VRTN: variants seen among roughly 807,000 people sequenced by gnomAD.
VRTN encodes the protein vertnin.
Under a neutral mutation model 18.2 loss-of-function variants are expected in VRTN, and 5 were observed. The observed-to-expected ratio is 0.27, with a 90% confidence interval of 0.14 to 0.58. VRTN has a LOEUF of 0.58. VRTN is among the 20% of genes least tolerant of loss of function. The pLI is 0.91. For synonymous variants in VRTN, 381 were observed against 393.7 expected (o/e 0.97, Z 0.38); for missense variants, 741 against 939.4 (o/e 0.79, Z 2.76).
chr14:74,357,558 C>A lies in VRTN; in HGVS notation c.775C>A (p.Pro259Thr). 6.2e-7 allele frequency: 1 copy of A among 1,613,888 alleles called. No homozygotes were observed. The highest frequency in any genetic ancestry group is 8.5e-7 in the Non-Finnish European group (1 of 1,180,014). The change falls in exon 2 of 2, where the codon CCA (proline) becomes ACA (threonine). Residue 259 changes from proline to threonine, a missense_variant. Physicochemically the swap from Pro to Thr is conservative, Grantham distance 38. Coordinates refer to ENST00000256362, the MANE Select transcript of VRTN (RefSeq NM_018228.3). The surrounding 1 kb of genome is among the most constrained non-coding windows in gnomAD (Gnocchi z 7.8). ...EGAPGVAPAL[P>T]ALAPLSSPAK... ...TGCCCCTGGCGTGGCCCCAGCTCTTCCAGCCCTGGCCCCACTCTCATCGCC... is the reference window on the plus strand; with the variant it reads ...TGCCCCTGGCGTGGCCCCAGCTCTTACAGCCCTGGCCCCACTCTCATCGCC...
intron 1 of VRTN, among the ~76,000 whole-genome samples, chr14:74,325,117 G>A (rs889903939): frequency 6.6e-6 from 1 of 152,028 alleles, no homozygotes; most frequent in African/African-American, 2.4e-5. Flanking sequence ...CGCATCTTGG[G>A]AACAATGGAG....
intron 1 of VRTN, among the ~76,000 whole-genome samples, chr14:74,304,046 T>G (rs948626695): frequency 1.2e-4 from 18 of 151,794 alleles, no homozygotes; most frequent in Non-Finnish European, 2.4e-4. Flanking sequence ...AGACAGGGTT[T>G]CTCCATATTG....
chr14:74,345,723 A>T (rs1426101900), upstream of VRTN, among the ~76,000 whole-genome samples: 1 of 150,840 alleles, frequency 6.6e-6, no homozygotes, highest in East Asian at 2.0e-4. Flanking sequence ...CAGGAGTTCG[A>T]GACCACCCCG....
intron 2 of VRTN, among the ~76,000 whole-genome samples, chr14:74,343,445 GT>G (rs954723817): frequency 2.6e-5 from 4 of 152,170 alleles, no homozygotes; most frequent in Non-Finnish European, 5.9e-5. Flanking sequence ...TAACTTCTAA[GT>G]GGGGAAATTT....
chr14:74,311,501 A>G (rs578204313), intron 1 of VRTN, among the ~76,000 whole-genome samples: 213 of 151,460 alleles, frequency 1.4e-3, no homozygotes, highest in Admixed American at 4.1e-3. Context: ...GCTCACTGCA[A>G]CCTCTGCCTC....
chr14:74,309,557 C>G (rs2085375048), intron 1 of VRTN, among the ~76,000 whole-genome samples: 1 of 152,142 alleles, frequency 6.6e-6, no homozygotes, highest in Non-Finnish European at 1.5e-5. Context: ...AAAAAACACA[C>G]AGTGAGGCTA....
intron 1 of VRTN, among the ~76,000 whole-genome samples, chr14:74,309,266 C>T (rs1003928309): frequency 6.6e-6 from 1 of 152,126 alleles, no homozygotes; most frequent in Non-Finnish European, 1.5e-5. Flanking sequence ...TCTCTCGCTC[C>T]ACCCCAAGAG....
intron 1 of VRTN, among the ~76,000 whole-genome samples, chr14:74,335,289 G>T (rs1029523575): frequency 6.6e-6 from 1 of 152,064 alleles, no homozygotes; most frequent in African/African-American, 2.4e-5. Context: ...ACCATAACTG[G>T]ATAATAGAAT....
chr14:74,347,047 T>TA (rs1320547944), upstream of VRTN, among the ~76,000 whole-genome samples: 2 of 152,218 alleles, frequency 1.3e-5, no homozygotes, highest in African/African-American at 4.8e-5. Flanking sequence ...ATATTTATAT[T>TA]AAGAATTTAA....
At chr14:74,325,301 G>A (rs749270441) in intron 1 of VRTN, among the ~76,000 whole-genome samples, 19 of 152,080 alleles carry the variant, frequency 1.2e-4, no homozygotes, top group Non-Finnish European at 2.2e-4. Flanking sequence ...GAAGGAAAAA[G>A]AGACTTTGTA....
At chr14:74,315,681 A>G (rs2085415554) in intron 1 of VRTN, among the ~76,000 whole-genome samples, 1 of 152,228 alleles carries the variant, frequency 6.6e-6, no homozygotes, top group African/African-American at 2.4e-5. Flanking sequence ...AATATTAAAT[A>G]TAAATCAGAT....
rs560627997 is a variant in VRTN at position 74,351,666 on chromosome 14, G to T, written c.-2+3014G>T. Among the ~76,000 whole-genome samples, 149 of 151,286 alleles carry T rather than the reference G, an allele frequency of 9.8e-4. 1 individual carries two copies. Among genetic ancestry groups the T allele is most frequent in the Non-Finnish European group, 1.9e-3 (131 of 67,842 alleles). ...AGGCTAATTTTTTTTTTTCCGTAGA[G>T]ATGGGGTTATGTTATGTTGTCCAGG... On this transcript the variant is annotated intron_variant, in intron 1 of 1. Transcript: ENST00000256362.
chr14:74,315,445 TC>T (rs1384740674), intron 1 of VRTN, among the ~76,000 whole-genome samples: 1 of 152,206 alleles, frequency 6.6e-6, no homozygotes, highest in East Asian at 1.9e-4. Context: ...ATGCCTATAA[TC>T]CCAGTGCTTT....
intron 1 of VRTN, among the ~76,000 whole-genome samples, chr14:74,311,138 A>G (rs117103314): frequency 0.021 from 3,174 of 152,338 alleles, 59 homozygotes; most frequent in Non-Finnish European, 0.032. Context: ...TAAACATTGA[A>G]CAATGTCCAT....
chr14:74,350,711 C>T (rs78354895), intron 1 of VRTN, among the ~76,000 whole-genome samples: 2,324 of 152,216 alleles, frequency 0.015, 60 homozygotes, highest in African/African-American at 0.052. Context: ...AATGTAAACC[C>T]GGAACCTCCA....
At chr14:74,352,234 C>G (rs1403928013) in intron 1 of VRTN, among the ~76,000 whole-genome samples, 1 of 150,316 alleles carries the variant, frequency 6.7e-6, no homozygotes, top group Non-Finnish European at 1.5e-5. Context: ...GGCTGGAGTG[C>G]GGTGGGCGAT....
chr14:74,354,411 C>CTT (rs61287508), intron 1 of VRTN, among the ~76,000 whole-genome samples: 39 of 143,772 alleles, frequency 2.7e-4, no homozygotes, highest in African/African-American at 9.3e-4. Flanking sequence ...ATCCATGGGT[C>CTT]TTTTTTTTTT....
In VRTN at chr14:74,358,132, T is replaced by C. The variant is rs772399043; in HGVS notation, c.1349T>C (p.Phe450Ser). The C allele has an allele frequency of 1.9e-6, 3 of 1,613,950 alleles. No homozygotes were observed. The highest frequency in any genetic ancestry group is 2.7e-5 in the African/African-American group (2 of 74,944). Residue 450 changes from phenylalanine to serine, a missense_variant, in exon 2 of 2, where the codon TTC (phenylalanine) becomes TCC (serine). This residue lies in a region of VRTN where 494 missense variants were observed against 546.5 expected (regional missense o/e 0.90). Transcript: ENST00000256362. The surrounding 1 kb of genome is among the most constrained non-coding windows in gnomAD (Gnocchi z 5.4). ...RRKALRRNPS[F>S]KPAPALSAAG... ...AAGGCCCTCCGGAGGAACCCCAGCTTCAAGCCGGCACCAGCCCTCTCTGCT... is the reference window on the plus strand; with the variant it reads ...AAGGCCCTCCGGAGGAACCCCAGCTCCAAGCCGGCACCAGCCCTCTCTGCT...
chr14:74,331,529 C>CA (rs1327886573), intron 1 of VRTN, among the ~76,000 whole-genome samples: 39 of 63,122 alleles, frequency 6.2e-4, no homozygotes, highest in African/African-American at 1.7e-3. Context: ...AACTCCATCT[C>CA]AAAAAAAAAA....
Sources: allele counts gnomAD v4.1 joint callset (sites outside exome capture counted in the v4.1 genomes callset), GRCh38; gene constraint gnomAD v4.1.1; regional missense constraint gnomAD v4.1.1; non-coding constraint Gnocchi (gnomAD v3.1); transcripts MANE v1.5; gene names NCBI Gene and HGNC (gene_info 2026-07-23, HGNC 2026-07-21).